Variants in KCNH1 observed in about 807,000 individuals in gnomAD.
KCNH1 encodes the protein potassium voltage-gated channel subfamily H member 1.
KCNH1 carries 27 observed loss-of-function variants against 69.2 expected under a neutral mutation model. That is an observed-to-expected ratio of 0.39 (90% CI 0.29 to 0.54). The LOEUF (loss-of-function observed/expected upper bound fraction) is 0.54, where lower values mean the gene tolerates loss of function less well. Among genes scored for constraint, KCNH1 ranks in the 20% least tolerant of loss-of-function variants. The probability of loss-of-function intolerance (pLI) is 0.68; values close to 1 mark genes in which losing one functional copy is unlikely to be tolerated. For synonymous variants in KCNH1, 456 were observed against 487.7 expected (o/e 0.93, Z 0.86); for missense variants, 798 against 1,261.6 (o/e 0.63, Z 5.57).
chr1:210,739,007 T>C (rs1352735923), intron 10 of KCNH1, among the ~76,000 whole-genome samples: 6 of 152,216 alleles, frequency 3.9e-5, no homozygotes, highest in African/African-American at 1.4e-4. Context: ...CTGCAATTGA[T>C]AGGCTGTTTC....
At chr1:211,016,408 C>A (rs1303621819) in intron 6 of KCNH1, among the ~76,000 whole-genome samples, 1 of 152,144 alleles carries the variant, frequency 6.6e-6, no homozygotes, top group Non-Finnish European at 1.5e-5. Context: ...TGCAAAATTT[C>A]AGTCCATTAC....
intron 5 of KCNH1, among the ~76,000 whole-genome samples, chr1:211,081,760 T>A (rs377038818): frequency 1.2e-4 from 18 of 152,172 alleles, no homozygotes; most frequent in African/African-American, 3.6e-4. Flanking sequence ...TAGTTGGGAA[T>A]TGAACAATGA....
intron 10 of KCNH1, among the ~76,000 whole-genome samples, chr1:210,768,080 G>A (rs902023027): frequency 6.6e-6 from 1 of 152,130 alleles, no homozygotes. Flanking sequence ...TTCTGTTTAG[G>A]AGATTTCTAG....
intron 6 of KCNH1, among the ~76,000 whole-genome samples, chr1:210,929,592 A>C (rs1687642179): frequency 6.6e-6 from 1 of 152,178 alleles, no homozygotes; most frequent in Non-Finnish European, 1.5e-5. Context: ...GGAAAAGTTG[A>C]ACGCATTCCC....
At chr1:210,702,852 A>G (rs1451891318) in intron 10 of KCNH1, among the ~76,000 whole-genome samples, 3 of 148,388 alleles carry the variant, frequency 2.0e-5, no homozygotes, top group African/African-American at 7.9e-5. Flanking sequence ...CCACTTTACT[A>G]CATCAGTTAC....
chr1:210,831,547 T>C (rs1685161893), intron 7 of KCNH1, among the ~76,000 whole-genome samples: 2 of 152,174 alleles, frequency 1.3e-5, no homozygotes, highest in Non-Finnish European at 2.9e-5. Flanking sequence ...GATGCCTCAG[T>C]AGGCCATCTG....
intron 10 of KCNH1, among the ~76,000 whole-genome samples, chr1:210,765,785 G>A (rs998626960): frequency 2.7e-4 from 41 of 152,212 alleles, no homozygotes; most frequent in Non-Finnish European, 1.0e-4. Context: ...CAATAGGCCA[G>A]GTGTGGTGGC....
At chr1:210,836,396 G>A (rs1284138880) in intron 7 of KCNH1, among the ~76,000 whole-genome samples, 1 of 152,164 alleles carries the variant, frequency 6.6e-6, no homozygotes, top group Non-Finnish European at 1.5e-5. Flanking sequence ...CATTAAGCCT[G>A]CCAGGAAATT....
intron 6 of KCNH1, among the ~76,000 whole-genome samples, chr1:210,965,504 C>T (rs1004392138): frequency 1.3e-5 from 2 of 152,046 alleles, no homozygotes; most frequent in Non-Finnish European, 2.9e-5. Flanking sequence ...AAAGAGCCCA[C>T]ATAGCCAAGA....
chr1:210,747,044 T>G (rs779897616), intron 10 of KCNH1, among the ~76,000 whole-genome samples: 3 of 152,144 alleles, frequency 2.0e-5, no homozygotes, highest in Non-Finnish European at 4.4e-5. Context: ...CAGAAACTTA[T>G]AAGATTTCAC....
chr1:210,724,536 A>G (rs114168632), intron 10 of KCNH1, among the ~76,000 whole-genome samples: 2,189 of 152,340 alleles, frequency 0.014, 56 homozygotes, highest in African/African-American at 0.049. Context: ...TCAGAAAAAG[A>G]AATCCATTTG....
chr1:211,103,469 A>G, intron 3 of KCNH1, 27 bp downstream of exon 3: 2 of 1,364,476 alleles, frequency 1.5e-6, no homozygotes, highest in South Asian at 1.2e-5. Flanking sequence ...ACATAAAGGT[A>G]TGGTTCAGAA....
In KCNH1 at chr1:210,818,620, T is replaced by A. The variant is rs537254753; in HGVS notation, c.1463-14454A>T. ...TATATATAAAGTGCCCCATGTAGTA[T>A]GTGTTCAACACATGTCAGTTTTTTT... On this transcript the variant is annotated intron_variant, in intron 7 of 10. Coordinates refer to ENST00000271751, the MANE Select transcript of KCNH1 (RefSeq NM_172362.3). Among the ~76,000 whole-genome samples the A allele has an allele frequency of 2.6e-5, 4 of 152,334 alleles. No individual in the cohort carries two copies. In the South Asian group the frequency reaches 6.2e-4, roughly 24 times the overall value.
chr1:210,865,556 GT>G (rs948110337), intron 7 of KCNH1, among the ~76,000 whole-genome samples: 3 of 152,062 alleles, frequency 2.0e-5, no homozygotes, highest in African/African-American at 7.2e-5. Context: ...ATGCCTAAAT[GT>G]TCACAGTGTA....
intron 9 of KCNH1, among the ~76,000 whole-genome samples, chr1:210,783,943 G>C (rs1329439578): frequency 6.6e-6 from 1 of 152,196 alleles, no homozygotes; most frequent in African/African-American, 2.4e-5. Context: ...CTAAGAAAAA[G>C]CATGAGCTTC....
intron 10 of KCNH1, among the ~76,000 whole-genome samples, chr1:210,709,920 C>T (rs549806063): frequency 6.6e-6 from 1 of 152,304 alleles, no homozygotes; most frequent in East Asian, 1.9e-4. Flanking sequence ...ATTGCACAAT[C>T]ACTATGCTAA....
chr1:210,820,669 T>C (rs879853773), intron 7 of KCNH1, among the ~76,000 whole-genome samples: 1 of 152,004 alleles, frequency 6.6e-6, no homozygotes, highest in Admixed American at 6.6e-5. Flanking sequence ...ACTTTGCGGA[T>C]TGATTAAGGA....
At chr1:210,907,339 C>T (rs1421245670) in intron 7 of KCNH1, among the ~76,000 whole-genome samples, 1 of 152,022 alleles carries the variant, frequency 6.6e-6, no homozygotes, top group African/African-American at 2.4e-5. Flanking sequence ...GTCCAAAAAG[C>T]CAATTGCCAA....
chr1:210,961,503 C>T (rs1290790038), intron 6 of KCNH1, among the ~76,000 whole-genome samples: 1 of 152,102 alleles, frequency 6.6e-6, no homozygotes, highest in Non-Finnish European at 1.5e-5. Context: ...CATGATTCCA[C>T]TTATTATGCT....
Sources: allele counts gnomAD v4.1 joint callset (sites outside exome capture counted in the v4.1 genomes callset), GRCh38; gene constraint gnomAD v4.1.1; transcripts MANE v1.5; gene names NCBI Gene and HGNC (gene_info 2026-07-23, HGNC 2026-07-21).